Variants in CUL1 observed in about 807,000 individuals in gnomAD.
CUL1 encodes the protein cullin 1.
A neutral mutation model predicts 118.0 loss-of-function variants in CUL1; 24 were observed. The observed-to-expected ratio is 0.20, with a 90% CI of 0.15 to 0.29. CUL1 has a LOEUF of 0.29. Ranked by LOEUF, CUL1 falls within the 10% of genes least tolerant of loss-of-function variation. The probability of loss-of-function intolerance (pLI) is 1.00; values close to 1 mark genes in which losing one functional copy is unlikely to be tolerated. For synonymous variants in CUL1, 332 were observed against 340.4 expected, an observed-to-expected ratio of 0.98 and a Z score of 0.27; for missense variants, 361 against 933.8, an observed-to-expected ratio of 0.39 and a Z score of 7.99.
intron 9 of CUL1, among the ~76,000 whole-genome samples, chr7:148,773,487 T>C (rs139144189): frequency 1.0e-3 from 153 of 152,328 alleles, no homozygotes; most frequent in Non-Finnish European, 1.7e-3. Context: ...TTCCTGTCAC[T>C]GCACCATGGG....
Position 148,800,375 on chromosome 7 carries a change from G to A in CUL1, c.2251-127G>A, listed in dbSNP as rs535960071. The A allele has an allele frequency of 9.9e-6, 7 of 708,652 alleles. No individual in the cohort carries two copies. Among genetic ancestry groups the A allele is most frequent in the Non-Finnish European group, 1.7e-5 (7 of 409,654 alleles). The allele number at this position is 708,652 out of a possible 1,614,324, so 43.9% of individuals were successfully genotyped here. On this transcript the variant is annotated intron_variant, in intron 21 of 21. Transcript: ENST00000325222. The surrounding 1 kb of genome is among the most constrained non-coding windows in gnomAD (Gnocchi z 4.6). Reference sequence around the variant, plus strand: ...TCTATGCTAACAGATCTGGGGCGGGGACACTGCTCCCCACTGAGCTCCGAA... The same window carrying A: ...TCTATGCTAACAGATCTGGGGCGGGAACACTGCTCCCCACTGAGCTCCGAA...
chr7:148,741,574 AACC>A (rs1563155796), intron 2 of CUL1, among the ~76,000 whole-genome samples: 6 of 151,718 alleles, frequency 4.0e-5, no homozygotes, highest in African/African-American at 1.5e-4. Flanking sequence ...GAGTAGCTGG[AACC>A]GCAGGTGTGC....
chr7:148,788,535 C>T (rs758364582), intron 13 of CUL1, 22 bp from the exon 14 acceptor site: 5 of 1,468,950 alleles, frequency 3.4e-6, no homozygotes, highest in African/African-American at 1.4e-5. Context: ...ATTAATAAGA[C>T]AGTCATCTGG....
Position 148,730,139 on chromosome 7 carries a change from G to A in CUL1, c.17G>A (p.Ser6Asn), listed in dbSNP as rs1239708834. 4 of 1,613,674 alleles carry A rather than the reference G, an allele frequency of 2.5e-6. No individual in the cohort carries two copies. The African/African-American group carries it at 5.3e-5, about 22-fold the overall frequency. ...TCCCTCACAATGTCGTCAACCCGGA[G>A]CCAGAACCCCCACGGCCTGAAGCAG... MSSTR[S>N]QNPHGLKQIG... The change falls in exon 2 of 22, where the codon AGC becomes AAC. Residue 6 changes from serine (S) to asparagine (N), a missense_variant. This residue lies in a region of CUL1 where 22 missense variants were observed against 20.6 expected (regional missense o/e 1.07). Coordinates refer to ENST00000325222, the MANE Select transcript of CUL1 (RefSeq NM_003592.3).
At position 148,798,689 on chromosome 7, in the gene CUL1, G is replaced by A. The variant is rs371323023; in HGVS notation, c.2136+12G>A. 3 of 1,605,574 alleles carry A rather than the reference G, an allele frequency of 1.9e-6. No homozygotes were observed. The highest frequency in any genetic ancestry group is 1.7e-6 in the Non-Finnish European group (2 of 1,172,300). ...AACTACTGATTCAGGTGACTTATCT[G>A]TATGCCTGTGCCAGGTGTGCTGTCC... On this transcript the variant is annotated intron_variant, in intron 20 of 21. Coordinates refer to ENST00000325222, the MANE Select transcript of CUL1 (RefSeq NM_003592.3).
intron 1 of CUL1, among the ~76,000 whole-genome samples, chr7:148,703,137 GGAA>G (rs1797770663): frequency 1.3e-5 from 2 of 152,156 alleles, no homozygotes; most frequent in South Asian, 2.1e-4. Flanking sequence ...ATGTGAAGAT[GGAA>G]GAAGACTAGA....
chr7:148,773,617 AGGGCTGCC>A (rs1800295947), intron 9 of CUL1, among the ~76,000 whole-genome samples: 1 of 152,158 alleles, frequency 6.6e-6, no homozygotes. Flanking sequence ...CGTCTGCTGC[AGGGCTGCC>A]GTCTCGGCTG....
At chr7:148,790,119 C>G (rs1322752531) in intron 15 of CUL1, among the ~76,000 whole-genome samples, 191 bp from the exon 16 acceptor site, 1 of 152,212 alleles carries the variant, frequency 6.6e-6, no homozygotes, top group East Asian at 1.9e-4. Flanking sequence ...GAAGTACAAA[C>G]CTTTTTTAAG....
chr7:148,798,748 G>T (rs763313409), intron 20 of CUL1, 71 bp downstream of exon 20: 22 of 1,269,418 alleles, frequency 1.7e-5, no homozygotes, highest in East Asian at 1.2e-4. Context: ...GACGGGCCGT[G>T]GGGGGTAGGC....
intron 1 of CUL1, among the ~76,000 whole-genome samples, chr7:148,704,670 A>T (rs1295316327): frequency 9.2e-5 from 14 of 152,244 alleles, no homozygotes. Context: ...ATAAAATGCA[A>T]CATAAAACAA....
intron 8 of CUL1, 67 bp downstream of exon 8, chr7:148,766,790 T>C: frequency 7.3e-7 from 1 of 1,368,656 alleles, no homozygotes; most frequent in Admixed American, 2.1e-5. Context: ...TGCTTTTGAT[T>C]CTAGACTCTC....
chr7:148,775,481 T>C (rs968013527), intron 9 of CUL1, among the ~76,000 whole-genome samples: 6 of 152,242 alleles, frequency 3.9e-5, no homozygotes, highest in African/African-American at 9.6e-5. Flanking sequence ...TTTTCTCATT[T>C]TGAACATATT....
chr7:148,752,195 A>G (rs1214762706), intron 2 of CUL1, among the ~76,000 whole-genome samples: 1 of 152,248 alleles, frequency 6.6e-6, no homozygotes, highest in African/African-American at 2.4e-5. Flanking sequence ...TAGGAATGAT[A>G]TATACCAAAT....
chr7:148,789,747 C>T lies in CUL1; in HGVS notation c.1598-3C>T. On this transcript the variant is annotated splice_polypyrimidine_tract_variant and splice_region_variant and intron_variant, in intron 14 of 21. Coordinates refer to ENST00000325222, the MANE Select transcript of CUL1 (RefSeq NM_003592.3). Reference sequence around the variant, plus strand: ...TCACTCTCCCCTCTCTTCCGTCCCACAGTGGATTTCAGCATTCAAGTGCTG... The same window carrying T: ...TCACTCTCCCCTCTCTTCCGTCCCATAGTGGATTTCAGCATTCAAGTGCTG... The T allele has an allele frequency of 6.2e-7, 1 of 1,613,784 alleles. No individual in the cohort carries two copies. The highest frequency in any genetic ancestry group is 8.5e-7 in the Non-Finnish European group (1 of 1,179,656).
chr7:148,747,396 G>C (rs1443679656), intron 2 of CUL1, among the ~76,000 whole-genome samples: 2 of 152,204 alleles, frequency 1.3e-5, no homozygotes, highest in Non-Finnish European at 2.9e-5. Flanking sequence ...AAGAAGAGAA[G>C]AGAGCTGAAA....
At chr7:148,772,753 T>A (rs909057955) in intron 9 of CUL1, among the ~76,000 whole-genome samples, 1 of 152,194 alleles carries the variant, frequency 6.6e-6, no homozygotes, top group Non-Finnish European at 1.5e-5. Context: ...AGGTGGCAGC[T>A]GTGTAGCATG....
At chr7:148,712,133 CAGAAG>C (rs1163208844) in intron 1 of CUL1, among the ~76,000 whole-genome samples, 2 of 152,190 alleles carry the variant, frequency 1.3e-5, no homozygotes, top group East Asian at 1.9e-4. Context: ...GGTGCCAAGA[CAGAAG>C]AGAAACTTTT....
chr7:148,787,589 C>T lies in CUL1; in HGVS notation c.1479+469C>T, dbSNP rs2129462938. On this transcript the variant is annotated intron_variant, in intron 13 of 21. Coordinates refer to ENST00000325222, the MANE Select transcript of CUL1 (RefSeq NM_003592.3). The surrounding 1 kb of genome is among the most constrained non-coding windows in gnomAD (Gnocchi z 5.5). ...CCTCCCACAACTATCACTCTACTCT[C>T]GTTGGGCCCCGGTGCCTTCCCAACC... 6.6e-6 allele frequency among the ~76,000 whole-genome samples: 1 copy of T among 152,310 alleles called. No individual in the cohort carries two copies.
intron 7 of CUL1, among the ~76,000 whole-genome samples, chr7:148,762,651 T>A (rs1289840080): frequency 6.6e-6 from 1 of 152,260 alleles, no homozygotes; most frequent in African/African-American, 2.4e-5. Flanking sequence ...GTGATTCTTT[T>A]AAAACTATAT....
Sources: gnomAD v4.1 joint callset for allele counts (sites outside exome capture counted in the v4.1 genomes callset) on GRCh38, gnomAD v4.1.1 for gene constraint, gnomAD v4.1.1 regional missense constraint, Gnocchi (gnomAD v3.1) non-coding constraint, MANE v1.5 for transcripts, NCBI Gene and HGNC (gene_info 2026-07-23, HGNC 2026-07-21) for gene names.